COLEC12: variants seen among roughly 807,000 people sequenced by gnomAD.
COLEC12 encodes the protein collectin subfamily member 12.
In COLEC12, 33 loss-of-function variants were observed where a neutral mutation model predicts 71.1. The observed-to-expected ratio is 0.46, with a 90% CI of 0.35 to 0.62. The LOEUF is 0.62. Ranked by LOEUF, COLEC12 falls within the 20% of genes least tolerant of loss-of-function variation. The probability of loss-of-function intolerance (pLI) is 0.00; values close to 1 mark genes in which losing one functional copy is unlikely to be tolerated. For missense variants in COLEC12, 765 were observed against 916.1 expected, an observed-to-expected ratio of 0.84 and a Z score of 2.13; for synonymous variants, 350 against 353.0, an observed-to-expected ratio of 0.99 and a Z score of 0.10.
rs1360323346 is a variant in COLEC12 at position 476,362 on chromosome 18, C to CA, written c.58+4344dup. 3.3e-5 allele frequency among the ~76,000 whole-genome samples: 5 copies of CA among 152,196 alleles called. No individual in the cohort carries two copies. In the East Asian group the frequency reaches 9.6e-4, roughly 29 times the overall value. On this transcript the variant is annotated intron_variant, in intron 2 of 9. Transcript: ENST00000400256. Reference sequence around the variant, plus strand: ...CTGAGCCCCAAAGAAGCAATTCTGTCAAAGCTTTGTTTGTCAAATACAAAC... The same window carrying CA: ...CTGAGCCCCAAAGAAGCAATTCTGTCAAAAGCTTTGTTTGTCAAATACAAAC...
intron 2 of COLEC12, among the ~76,000 whole-genome samples, chr18:382,357 A>ATG (rs894777332): frequency 5.9e-5 from 9 of 152,202 alleles, no homozygotes; most frequent in Non-Finnish European, 8.8e-5. Flanking sequence ...CTTCACAGAT[A>ATG]TGTGGTCTTA....
intron 2 of COLEC12, among the ~76,000 whole-genome samples, chr18:387,314 A>G (rs1219356375): frequency 6.6e-6 from 1 of 152,142 alleles, no homozygotes; most frequent in Non-Finnish European, 1.5e-5. Flanking sequence ...AATTTACCAT[A>G]TGGCAGTGAG....
chr18:434,089 T>C (rs920415231), intron 2 of COLEC12, among the ~76,000 whole-genome samples: 3 of 152,004 alleles, frequency 2.0e-5, no homozygotes, highest in African/African-American at 7.2e-5. Flanking sequence ...ATAAAAATCA[T>C]ACTCATACCC....
chr18:329,802 G>A lies in COLEC12; in HGVS notation c.2063+1866C>T, dbSNP rs538326003. On this transcript the variant is annotated intron_variant, in intron 8 of 9. Transcript: ENST00000400256. ...TTTTATAAAGAGCTGGCCTGGCTAG[G>A]TGCGGTGGCTCATACCTCTGATCCC... Among the ~76,000 whole-genome samples the A allele has an allele frequency of 2.6e-4, 39 of 152,346 alleles. No homozygotes were observed. In the South Asian group the frequency reaches 7.2e-3, roughly 28 times the overall value.
At chr18:428,275 A>C (rs1343142541) in intron 2 of COLEC12, among the ~76,000 whole-genome samples, 2 of 152,076 alleles carry the variant, frequency 1.3e-5, no homozygotes, top group Non-Finnish European at 2.9e-5. Flanking sequence ...AAAAAAAAAA[A>C]AAGAGCTTTT....
intron 5 of COLEC12, among the ~76,000 whole-genome samples, chr18:343,925 A>AAC (rs1335410831): frequency 7.9e-5 from 12 of 152,248 alleles, no homozygotes; most frequent in African/African-American, 2.4e-5. Flanking sequence ...AAAGAATCCT[A>AAC]ACAATAGAAA....
At position 331,621 on chromosome 18, in the gene COLEC12, G is replaced by A. The variant is rs374672902; in HGVS notation, c.2063+47C>T. The A allele has an allele frequency of 1.4e-5, 17 of 1,228,280 alleles. No homozygotes were observed. The African/African-American group carries it at 2.2e-4, about 16-fold the overall frequency. 76.1% of individuals were successfully genotyped at this position (1,228,280 alleles called of 1,614,324 possible). On this transcript the variant is annotated intron_variant, in intron 8 of 9. Coordinates refer to ENST00000400256, the MANE Select transcript of COLEC12 (RefSeq NM_130386.3). ...GGGAGTCGGGCAAGAAGTGACAACA[G>A]AACAGTGAGAGCCTGACCACCAATC...
intron 2 of COLEC12, among the ~76,000 whole-genome samples, chr18:462,318 C>T (rs868281541): frequency 1.3e-5 from 2 of 152,182 alleles, no homozygotes; most frequent in South Asian, 2.1e-4. Context: ...AAAATGTGGT[C>T]CGTCCATGTC....
intron 2 of COLEC12, among the ~76,000 whole-genome samples, chr18:468,899 G>A (rs1448790174): frequency 6.6e-6 from 1 of 152,202 alleles, no homozygotes; most frequent in Non-Finnish European, 1.5e-5. Context: ...AAATAGCAAA[G>A]GTTTCTGAAC....
chr18:383,997 C>T (rs1312997798), intron 2 of COLEC12, among the ~76,000 whole-genome samples: 1 of 152,142 alleles, frequency 6.6e-6, no homozygotes, highest in Non-Finnish European at 1.5e-5. Flanking sequence ...TCCATGAGAA[C>T]AGTATCGGGG....
chr18:395,891 G>A (rs571958987), intron 2 of COLEC12, among the ~76,000 whole-genome samples: 5 of 152,214 alleles, frequency 3.3e-5, no homozygotes, highest in African/African-American at 4.8e-5. Context: ...ATCTCGCAGC[G>A]TGCGTCTGAC....
chr18:393,608 G>A (rs1403371015), intron 2 of COLEC12, among the ~76,000 whole-genome samples: 2 of 152,088 alleles, frequency 1.3e-5, no homozygotes, highest in Non-Finnish European at 2.9e-5. Flanking sequence ...GTCTGCCTAC[G>A]CATGTTCCTC....
chr18:427,346 T>TCCCA (rs59609747), intron 2 of COLEC12, among the ~76,000 whole-genome samples: 28,363 of 152,072 alleles, frequency 0.19, 2,897 homozygotes, highest in Middle Eastern at 0.24. Context: ...CAAAGGTGAC[T>TCCCA]CCCAGCAAGC....
At chr18:487,570 C>T (rs1180100745) in intron 1 of COLEC12, among the ~76,000 whole-genome samples, 1 of 152,128 alleles carries the variant, frequency 6.6e-6, no homozygotes, top group Non-Finnish European at 1.5e-5. Context: ...TACTTGGAAA[C>T]ATTAAAACAA....
Position 480,704 on chromosome 18 carries a change from C to T in COLEC12, c.58+3G>A, listed in dbSNP as rs1917397110. 1 of 1,613,784 alleles carries T rather than the reference C, an allele frequency of 6.2e-7. No individual in the cohort carries two copies. The highest frequency in any genetic ancestry group is 8.5e-7 in the Non-Finnish European group (1 of 1,179,794). ...GAAGGAACACAGCTTTGTTAGGACT[C>T]ACCAAACCGCTTGTAACCGAAGGAT... On this transcript the variant is annotated splice_donor_region_variant and intron_variant, in intron 2 of 9. Coordinates refer to ENST00000400256, the MANE Select transcript of COLEC12 (RefSeq NM_130386.3). This position sits in a 1 kb window ranked among gnomAD's most constrained non-coding sequence, Gnocchi z 4.1.
In COLEC12 at chr18:319,419, CT is replaced by C. The variant is rs913096684; in HGVS notation, c.*625del. ...CCACAATTGAAAAAATTCTTTGCCA[CT>C]GGGTAGAATTAAATCTGACAGGAAA... is the stretch of plus-strand genomic sequence containing the variant. On this transcript the variant is annotated 3_prime_UTR_variant, in exon 10 of 10. Coordinates refer to ENST00000400256, the MANE Select transcript of COLEC12 (RefSeq NM_130386.3). 3 of 140,508 alleles carry C rather than the reference CT, an allele frequency of 2.1e-5. No individual in the cohort carries two copies. The highest frequency in any genetic ancestry group is 7.9e-5 in the African/African-American group (3 of 37,968). The allele number at this position is 140,508 out of a possible 1,614,324, so 8.7% of individuals were successfully genotyped here. A position where few individuals can be genotyped will look rare whatever the true frequency, so the allele number is the denominator to read the frequency against.
intron 2 of COLEC12, among the ~76,000 whole-genome samples, chr18:472,917 AGAGTGGGAGGGGTGG>A (rs924301552): frequency 6.6e-6 from 1 of 151,928 alleles, no homozygotes; most frequent in Non-Finnish European, 1.5e-5. Flanking sequence ...AGGAAAGAGC[AGAGTGGGAGGGGTGG>A]GAGCAGTCAG....
chr18:323,359 TCTCACTCA>T (rs1555612030), intron 8 of COLEC12, among the ~76,000 whole-genome samples: 2 of 152,086 alleles, frequency 1.3e-5, no homozygotes, highest in South Asian at 4.1e-4. Flanking sequence ...TAGAAAATAG[TCTCACTCA>T]CTCACTCACA....
chr18:327,021 AG>A lies in COLEC12; in HGVS notation c.2063+4646del, dbSNP rs1598325964. On this transcript the variant is annotated intron_variant, in intron 8 of 9. Transcript: ENST00000400256. This position sits in a 1 kb window ranked among gnomAD's most constrained non-coding sequence, Gnocchi z 4.0. Reference sequence around the variant, plus strand: ...CCCCACACTCCAGAAAAGATCCTGCAGGCCAGCACAGAGGCTGGCTCATGGC... The same window carrying A: ...CCCCACACTCCAGAAAAGATCCTGCAGCCAGCACAGAGGCTGGCTCATGGC... 6.6e-6 allele frequency among the ~76,000 whole-genome samples: 1 copy of A among 152,234 alleles called. No individual in the cohort carries two copies. The highest frequency in any genetic ancestry group is 1.5e-5 in the Non-Finnish European group (1 of 68,040).
Sources: gnomAD v4.1 joint callset for allele counts (sites outside exome capture counted in the v4.1 genomes callset) on GRCh38, gnomAD v4.1.1 for gene constraint, Gnocchi (gnomAD v3.1) non-coding constraint, MANE v1.5 for transcripts, NCBI Gene and HGNC (gene_info 2026-07-23, HGNC 2026-07-21) for gene names.